The following LMF1 variants were observed in gnomAD, a reference collection of about 807,000 sequenced individuals.
LMF1 encodes transmembrane protein 112.
Under a neutral mutation model 60.6 loss-of-function variants are expected in LMF1, and 68 were observed. That is an observed-to-expected ratio of 1.12 (90% CI 0.92 to 1.37). LMF1 has a LOEUF of 1.37. Among genes scored for constraint, LMF1 ranks in the 40% most tolerant of loss-of-function variants. The pLI, the probability that LMF1 is intolerant of heterozygous loss-of-function variation, is 0.00. For synonymous variants in LMF1, 418 were observed against 324.7 expected, an observed-to-expected ratio of 1.29 and a Z score of -3.09; for missense variants, 948 against 767.2, an observed-to-expected ratio of 1.24 and a Z score of -2.78.
chr16:870,124 G>A (rs1371294480), intron 8 of LMF1, 58 bp from the exon 9 acceptor site: 1 of 1,548,870 alleles, frequency 6.5e-7, no homozygotes. Flanking sequence ...GCCGAGTGGG[G>A]TGCATGGGTG....
chr16:925,230 G>A (rs550745834), intron 3 of LMF1, among the ~76,000 whole-genome samples: 7 of 152,306 alleles, frequency 4.6e-5, no homozygotes, highest in East Asian at 3.9e-4. Flanking sequence ...AAAAAGCCAC[G>A]TTGAAGATTC....
chr16:976,610 G>C (rs1420312609), intron 1 of LMF1: 6 of 454,010 alleles, frequency 1.3e-5, no homozygotes, highest in Non-Finnish European at 2.6e-5. Flanking sequence ...TATCAGACGA[G>C]AAGTGCAGAG....
upstream of LMF1, chr16:975,837 G>A (rs1475489196): frequency 2.2e-6 from 1 of 454,156 alleles, no homozygotes; most frequent in Admixed American, 2.3e-5. Flanking sequence ...GGCCGGGGAG[G>A]TCAGGGCCTG....
intron 10 of LMF1, among the ~76,000 whole-genome samples, chr16:856,810 A>C (rs2069197026): frequency 6.6e-6 from 1 of 152,334 alleles, no homozygotes; most frequent in East Asian, 1.9e-4. Flanking sequence ...GAGTGTTGAA[A>C]ATAGGGGATC....
Position 954,544 on chromosome 16 carries a change from C to G in LMF1, c.316G>C (p.Val106Leu). 6.2e-7 allele frequency: 1 copy of G among 1,613,214 alleles called. No individual in the cohort carries two copies. The change falls in exon 2 of 11, where the codon GTC (valine) becomes CTC (leucine). Residue 106 changes from valine to leucine, a missense_variant. Physicochemically the swap from Val to Leu is conservative, Grantham distance 32. Transcript: ENST00000262301. ...AGGATGGTGGGCATGTAGCTGAAGA[C>G]TTCCCAGCTCGTCCTGTCCTGGAAG... ...QYFQDRTSWE[V>L]FSYMPTILWL...
chr16:874,859 T>C lies in LMF1; in HGVS notation c.898-3518A>G, dbSNP rs73497214. Among the ~76,000 whole-genome samples, 5,588 of 152,002 alleles carry C rather than the reference T, an allele frequency of 0.037. 277 individuals are homozygous for C. Among genetic ancestry groups the C allele is most frequent in the African/African-American group, 0.11 (4,690 of 41,400 alleles). ...CGCAGCCCCAGCCAGGACACTACAATGTTAGAGGGCGCGGGTCACTCTCAG... is the reference window on the plus strand; with the variant it reads ...CGCAGCCCCAGCCAGGACACTACAACGTTAGAGGGCGCGGGTCACTCTCAG... On this transcript the variant is annotated intron_variant, in intron 6 of 10. Coordinates refer to ENST00000262301, the MANE Select transcript of LMF1 (RefSeq NM_022773.4). The surrounding 1 kb of genome is among the most constrained non-coding windows in gnomAD (Gnocchi z 4.1).
In LMF1 at chr16:904,257, C is replaced by T. The variant is rs1448399393; in HGVS notation, c.663+6674G>A. ...TGCTGCGTCGTGGTGACCTCTGCAT[C>T]GCCCACAGGACGCCTGTCTCTGATG... On this transcript the variant is annotated intron_variant, in intron 4 of 10. Coordinates refer to ENST00000262301, the MANE Select transcript of LMF1 (RefSeq NM_022773.4). 7.0e-5 allele frequency among the ~76,000 whole-genome samples: 7 copies of T among 99,404 alleles called. 1 individual carries two copies. In the South Asian group the frequency reaches 2.3e-3, roughly 32 times the overall value. 65.2% of individuals were successfully genotyped at this position (99,404 alleles called of 152,430 possible).
chr16:887,931 A>T (rs1338834716), intron 5 of LMF1, among the ~76,000 whole-genome samples: 1 of 152,136 alleles, frequency 6.6e-6, no homozygotes, highest in Non-Finnish European at 1.5e-5. Context: ...CCAGGAGCGT[A>T]GGTGGCCCCA....
chr16:950,189 G>A (rs1302068879), intron 2 of LMF1, among the ~76,000 whole-genome samples: 1 of 104,592 alleles, frequency 9.6e-6, no homozygotes, highest in African/African-American at 5.5e-5. Context: ...CAGAGCCAAC[G>A]ACAGAGTCAG....
chr16:901,456 C>G (rs2070809768), intron 4 of LMF1: 1 of 152,262 alleles, frequency 6.6e-6, no homozygotes, highest in African/African-American at 2.4e-5. Flanking sequence ...ATGCTCTGTC[C>G]TCACAAAACC....
intron 6 of LMF1, 77 bp from the exon 7 acceptor site, chr16:871,418 A>T: frequency 3.0e-6 from 4 of 1,327,426 alleles, no homozygotes; most frequent in Non-Finnish European, 4.2e-6. Flanking sequence ...CTCTTCCTGG[A>T]GCAGGGAGGG....
Position 947,455 on chromosome 16 carries a change from G to A in LMF1, c.503+6902C>T, listed in dbSNP as rs961188673. 12 of 455,838 alleles carry A rather than the reference G, an allele frequency of 2.6e-5. No individual in the cohort carries two copies. In the Middle Eastern group the frequency reaches 9.7e-4, roughly 37 times the overall value. The allele number at this position is 455,838 out of a possible 1,614,324, so 28.2% of individuals were successfully genotyped here. A position where few individuals can be genotyped will look rare whatever the true frequency, so the allele number is the denominator to read the frequency against. ...CATCGTCAGTGAGAAATGAAGCACC[G>A]AGGGCGGTGTCCCTGGGTGCTGGCG... On this transcript the variant is annotated intron_variant, in intron 2 of 10. Transcript: ENST00000262301.
intron 2 of LMF1, among the ~76,000 whole-genome samples, chr16:938,213 G>A (rs948414984): frequency 1.4e-4 from 22 of 152,202 alleles, no homozygotes; most frequent in African/African-American, 3.9e-4. Flanking sequence ...GCTGGGTCCC[G>A]CTGTGCAGGG....
chr16:976,284 G>A, intron 1 of LMF1: 1 of 450,590 alleles, frequency 2.2e-6, no homozygotes, highest in Non-Finnish European at 4.5e-6. Flanking sequence ...GGGGATGAGG[G>A]CCCAGAACGA....
At chr16:939,942 C>G (rs1033070422) in intron 2 of LMF1, among the ~76,000 whole-genome samples, 4 of 152,132 alleles carry the variant, frequency 2.6e-5, no homozygotes, top group Admixed American at 6.5e-5. Flanking sequence ...AAAGGGGTCT[C>G]TGTGGAGGTA....
In LMF1 at chr16:911,099, C is replaced by T; in HGVS notation, c.515-20G>A. 1.2e-6 allele frequency: 2 copies of T among 1,605,956 alleles called. No homozygotes were observed. Among genetic ancestry groups the T allele is most frequent in the Non-Finnish European group, 1.7e-6 (2 of 1,176,640 alleles). On this transcript the variant is annotated intron_variant, in intron 3 of 10. Coordinates refer to ENST00000262301, the MANE Select transcript of LMF1 (RefSeq NM_022773.4). ...CCCATCCTAAAACAACGAGACATAC[C>T]AAAGGTGAGTTAATGGAAGCCACAC...
rs146165716 is a variant in LMF1, at chr16:888,085, G to A, written c.729+4922C>T. Among the ~76,000 whole-genome samples the A allele has an allele frequency of 4.5e-3, 692 of 152,328 alleles. 6 individuals carry two copies. The highest frequency in any genetic ancestry group is 0.016 in the African/African-American group (649 of 41,578). On this transcript the variant is annotated intron_variant, in intron 5 of 10. Coordinates refer to ENST00000262301, the MANE Select transcript of LMF1 (RefSeq NM_022773.4). ...TGTAGCCCTGACAGCATCCTTCGGC[G>A]GACGGAATTGTAGTTCTCCACGACG...
intron 3 of LMF1, among the ~76,000 whole-genome samples, chr16:925,138 C>CTCACTG (rs1188485791): frequency 6.6e-6 from 1 of 152,228 alleles, no homozygotes; most frequent in Non-Finnish European, 1.5e-5. Flanking sequence ...AAGCCCCTTG[C>CTCACTG]TCACTGTCAC....
intron 2 of LMF1, among the ~76,000 whole-genome samples, chr16:935,647 C>T (rs771838934): frequency 6.6e-6 from 1 of 151,922 alleles, no homozygotes. Context: ...CATCCTGAGC[C>T]GCGTGTGGAC....
Sources: allele counts gnomAD v4.1 joint callset (sites outside exome capture counted in the v4.1 genomes callset), GRCh38; gene constraint gnomAD v4.1.1; non-coding constraint Gnocchi (gnomAD v3.1); transcripts MANE v1.5; gene names NCBI Gene and HGNC (gene_info 2026-07-23, HGNC 2026-07-21).